UGGT2: variants seen among roughly 807,000 people sequenced by gnomAD.
UGGT2 encodes the protein UDP-glucose glycoprotein glucosyltransferase 2.
Under a neutral mutation model 192.1 loss-of-function variants are expected in UGGT2, and 180 were observed. The observed-to-expected ratio is 0.94, with a 90% CI of 0.83 to 1.06. The LOEUF (loss-of-function observed/expected upper bound fraction) is 1.06, where lower values mean the gene tolerates loss of function less well. UGGT2 is among the 50% of genes least tolerant of loss of function. The probability of loss-of-function intolerance (pLI) is 0.00; values close to 1 mark genes in which losing one functional copy is unlikely to be tolerated. For missense variants in UGGT2, 1,849 were observed against 1,795.7 expected, an observed-to-expected ratio of 1.03 and a Z score of -0.54; for synonymous variants, 580 against 591.0, an observed-to-expected ratio of 0.98 and a Z score of 0.27.
At chr13:95,954,137 C>T (rs1313556675) in intron 12 of UGGT2, among the ~76,000 whole-genome samples, 4 of 152,114 alleles carry the variant, frequency 2.6e-5, no homozygotes, top group African/African-American at 7.2e-5. Flanking sequence ...TTCATACACA[C>T]AATTTAAAAA....
intron 37 of UGGT2, 83 bp downstream of exon 37, chr13:95,837,003 T>A (rs1161004886): frequency 5.7e-6 from 6 of 1,058,934 alleles, no homozygotes; most frequent in Non-Finnish European, 8.8e-6. Flanking sequence ...CGTATGCCAC[T>A]CCCTTTGTAA....
intron 16 of UGGT2, 122 bp downstream of exon 16, chr13:95,939,835 C>A (rs2049602985): frequency 1.3e-6 from 1 of 755,894 alleles, no homozygotes; most frequent in African/African-American, 1.9e-5. Flanking sequence ...CCTCTGGTAA[C>A]CCCCATTTTA....
At chr13:95,838,999 T>G (rs932872294) in intron 36 of UGGT2, among the ~76,000 whole-genome samples, 2 of 152,092 alleles carry the variant, frequency 1.3e-5, no homozygotes, top group African/African-American at 4.8e-5. Context: ...CACCCCTATA[T>G]AGTTATTCTT....
chr13:95,895,112 A>C lies in UGGT2; in HGVS notation c.2759+68T>G, dbSNP rs903581628. ...TGTCTATATATTTGAAACATTTTCT[A>C]ATCTTAAAAACATTAGACTCAAAAT... is the stretch of plus-strand genomic sequence containing the variant. On this transcript the variant is annotated intron_variant, in intron 23 of 38. Transcript: ENST00000376747. 2.7e-6 allele frequency: 4 copies of C among 1,456,470 alleles called. No homozygotes were observed. In the African/African-American group the frequency reaches 5.9e-5, roughly 21 times the overall value. 90.2% of individuals were successfully genotyped at this position (1,456,470 alleles called of 1,614,324 possible).
At chr13:96,049,860 C>T (rs1391451279) in intron 1 of UGGT2, among the ~76,000 whole-genome samples, 1 of 152,194 alleles carries the variant, frequency 6.6e-6, no homozygotes, top group South Asian at 2.1e-4. Context: ...ATATTCCATG[C>T]TCATGGATAG....
chr13:95,979,444 T>C (rs190829593), intron 10 of UGGT2, among the ~76,000 whole-genome samples: 24 of 151,622 alleles, frequency 1.6e-4, no homozygotes, highest in Non-Finnish European at 2.6e-4. Flanking sequence ...CTGGCTCTTA[T>C]AGGCAAAATT....
chr13:96,016,987 T>C (rs781246889), intron 4 of UGGT2, among the ~76,000 whole-genome samples: 29 of 152,164 alleles, frequency 1.9e-4, no homozygotes, highest in Non-Finnish European at 3.8e-4. Context: ...GAGTCAAGGA[T>C]TACATGACAG....
At chr13:95,940,845 GGCCT>G (rs1443991929) in intron 15 of UGGT2, among the ~76,000 whole-genome samples, 15 of 152,008 alleles carry the variant, frequency 9.9e-5, no homozygotes, top group Non-Finnish European at 2.1e-4. Context: ...TACCTGCCTC[GGCCT>G]CCCAAATAGT....
chr13:95,877,387 A>T, intron 28 of UGGT2, 23 bp from the exon 29 acceptor site: 1 of 1,568,670 alleles, frequency 6.4e-7, no homozygotes, highest in Non-Finnish European at 8.7e-7. Flanking sequence ...GAAAAAAATA[A>T]TCATTGAGTA....
chr13:95,858,915 C>T (rs532747874), intron 33 of UGGT2, among the ~76,000 whole-genome samples: 3 of 152,272 alleles, frequency 2.0e-5, no homozygotes, highest in African/African-American at 7.2e-5. Context: ...AGTTTTACTT[C>T]TGTTTTCCCA....
At position 95,863,651 on chromosome 13, in the gene UGGT2, C is replaced by T. The variant is rs751794714; in HGVS notation, c.3622G>A (p.Gly1208Arg). ...TACCTTTTAATGGAATCCCACAGTC[C>T]TTTTGTTTTTTCATCTTCATCGGTA... Reference protein sequence around the residue: ...ILTDEDEKTKGLWDSIKSFTV... With the variant: ...ILTDEDEKTKRLWDSIKSFTV... Residue 1208 changes from glycine to arginine, a missense_variant, in exon 31 of 39, where the codon GGA becomes AGA. Coordinates refer to ENST00000376747, the MANE Select transcript of UGGT2 (RefSeq NM_020121.4). 1 of 1,611,672 alleles carries T rather than the reference C, an allele frequency of 6.2e-7. No individual in the cohort carries two copies. The highest frequency in any genetic ancestry group is 1.1e-5 in the South Asian group (1 of 91,030).
At chr13:95,999,136 A>T in intron 6 of UGGT2, 75 bp downstream of exon 6, 8 of 1,158,632 alleles carry the variant, frequency 6.9e-6, no homozygotes, top group Non-Finnish European at 1.0e-5. Flanking sequence ...TATACTCATT[A>T]AATTTTTAAA....
intron 9 of UGGT2, chr13:95,985,183 T>G: frequency 2.4e-6 from 2 of 841,100 alleles, no homozygotes; most frequent in Non-Finnish European, 3.2e-6. Context: ...TAATAATTTT[T>G]ATAACGGCCA....
Position 95,859,889 on chromosome 13 carries a change from A to T in UGGT2, c.3741-214T>A, listed in dbSNP as rs201903103. On this transcript the variant is annotated intron_variant, in intron 32 of 38. Coordinates refer to ENST00000376747, the MANE Select transcript of UGGT2 (RefSeq NM_020121.4). ...TATGAATTAGAAGGTTTTCACAATGAAATGTGAAGAAATAAACTAAAATAT... is the reference window on the plus strand; with the variant it reads ...TATGAATTAGAAGGTTTTCACAATGTAATGTGAAGAAATAAACTAAAATAT... 2.0e-4 allele frequency: 75 copies of T among 377,436 alleles called. No homozygotes were observed. In the East Asian group the frequency reaches 3.2e-3, roughly 16 times the overall value. 23.4% of individuals were successfully genotyped at this position (377,436 alleles called of 1,614,324 possible). A position where few individuals can be genotyped will look rare whatever the true frequency, so the allele number is the denominator to read the frequency against.
At chr13:96,043,554 C>T (rs1350588528) in intron 1 of UGGT2, among the ~76,000 whole-genome samples, 1 of 152,088 alleles carries the variant, frequency 6.6e-6, no homozygotes, top group Non-Finnish European at 1.5e-5. Context: ...CCTAAATGCT[C>T]CACTTAAAAG....
At chr13:95,808,322 C>T (rs1301052270) in intron 38 of UGGT2, among the ~76,000 whole-genome samples, 1 of 152,104 alleles carries the variant, frequency 6.6e-6, no homozygotes, top group Non-Finnish European at 1.5e-5. Context: ...AGACCAACTG[C>T]ATTTGTATAA....
intron 20 of UGGT2, among the ~76,000 whole-genome samples, chr13:95,911,070 TG>T (rs2048478352): frequency 1.3e-5 from 2 of 152,208 alleles, no homozygotes; most frequent in Non-Finnish European, 2.9e-5. Flanking sequence ...CCAGAATCTT[TG>T]GGACACATTT....
intron 15 of UGGT2, among the ~76,000 whole-genome samples, chr13:95,946,817 A>AGAACCT (rs562082934): frequency 1.4e-3 from 217 of 152,366 alleles, no homozygotes; most frequent in African/African-American, 4.8e-3. Flanking sequence ...ATATCTTGGT[A>AGAACCT]GAACCTCAGT....
chr13:95,915,333 C>T lies in UGGT2; in HGVS notation c.2295+10347G>A, dbSNP rs1185759236. Among the ~76,000 whole-genome samples the T allele has an allele frequency of 5.3e-5, 8 of 152,132 alleles. No homozygotes were observed. The East Asian group carries it at 1.4e-3, about 26-fold the overall frequency. The stretch of plus-strand genomic sequence containing the variant: ...CCCTTACCCAGTTCTTTTTCTTTTT[C>T]CATAGCATTTCTCAGCTTCTTGACA... On this transcript the variant is annotated intron_variant, in intron 20 of 38. Transcript: ENST00000376747.
Sources: gnomAD v4.1 joint callset for allele counts (sites outside exome capture counted in the v4.1 genomes callset) on GRCh38, gnomAD v4.1.1 for gene constraint, MANE v1.5 for transcripts, NCBI Gene and HGNC (gene_info 2026-07-23, HGNC 2026-07-21) for gene names.